MAP2K3: variants seen among roughly 807,000 people sequenced by gnomAD.
MAP2K3 encodes the protein mitogen-activated protein kinase kinase 3.
Under a neutral mutation model 46.4 loss-of-function variants are expected in MAP2K3, and 30 were observed. The ratio of observed to expected loss-of-function variants is 0.65; its 90% CI spans 0.48 to 0.88. The LOEUF (loss-of-function observed/expected upper bound fraction) is 0.88, where lower values mean the gene tolerates loss of function less well. MAP2K3 is among the 40% of genes least tolerant of loss of function. The pLI, the probability that MAP2K3 is intolerant of heterozygous loss-of-function variation, is 0.00. For synonymous variants in MAP2K3, 189 were observed against 176.3 expected, an observed-to-expected ratio of 1.07 and a Z score of -0.57; for missense variants, 380 against 464.5, an observed-to-expected ratio of 0.82 and a Z score of 1.67.
At chr17:21,287,794 A>T (rs532594145) in intron 1 of MAP2K3, among the ~76,000 whole-genome samples, 1 of 152,322 alleles carries the variant, frequency 6.6e-6, no homozygotes, top group South Asian at 2.1e-4. Context: ...CACCTGTGGG[A>T]GCACTTCATG....
intron 9 of MAP2K3, among the ~76,000 whole-genome samples, chr17:21,306,477 C>T (rs1976895764): frequency 6.6e-6 from 1 of 152,288 alleles, no homozygotes; most frequent in African/African-American, 2.4e-5. Flanking sequence ...CTACAGGCTT[C>T]TCAAGCTCAT....
At position 21,302,188 on chromosome 17, in the gene MAP2K3, A is replaced by G; in HGVS notation, c.445A>G (p.Lys149Glu). 3 of 1,614,280 alleles carry G rather than the reference A, an allele frequency of 1.9e-6. No individual in the cohort carries two copies. Among genetic ancestry groups the G allele is most frequent in the Non-Finnish European group, 2.5e-6 (3 of 1,180,032 alleles). The change falls in exon 6 of 12, where the codon AAG becomes GAG. Residue 149 changes from lysine (K) to glutamate (E), a missense_variant. This residue lies in a region of MAP2K3 where 294 missense variants were observed against 275.4 expected (regional missense o/e 1.07). Coordinates refer to ENST00000342679, the MANE Select transcript of MAP2K3 (RefSeq NM_145109.3). ...CMELMDTSLD[K>E]FYRKVLDKNM... ...GGAGCTCATGGACACATCCTTGGAC[A>G]AGTTCTACCGGAAGGTGCTGGATAA...
intron 1 of MAP2K3, 165 bp from the exon 2 acceptor site, chr17:21,298,248 T>TC: frequency 1.0e-6 from 1 of 1,004,876 alleles, no homozygotes; most frequent in Non-Finnish European, 1.6e-6. Flanking sequence ...TGGGCCTCCT[T>TC]CCCCCTTTGA....
intron 1 of MAP2K3, among the ~76,000 whole-genome samples, chr17:21,294,056 C>T (rs1976098986): frequency 6.6e-6 from 1 of 152,312 alleles, no homozygotes; most frequent in African/African-American, 2.4e-5. Flanking sequence ...CAAACACATC[C>T]ATCCACACCG....
Position 21,304,454 on chromosome 17 carries a change from C to T in MAP2K3, c.597C>T (p.Asn199=). The stretch of plus-strand genomic sequence containing the variant: ...TGAAGCCCTCCAATGTCCTTATCAA[C>T]AAGGAGGGCCATGTGAAGATGTGTG... ...RDVKPSNVLI[N]KEGHVKMCDF... The change falls in exon 8 of 12, where the codon AAC becomes AAT. Residue 199 remains asparagine (N), a synonymous_variant. Transcript: ENST00000342679. 1 of 1,614,322 alleles carries T rather than the reference C, an allele frequency of 6.2e-7. No individual in the cohort carries two copies. Among genetic ancestry groups the T allele is most frequent in the Non-Finnish European group, 8.5e-7 (1 of 1,180,060 alleles).
intron 2 of MAP2K3, 143 bp downstream of exon 2, chr17:21,298,622 T>A: frequency 1.5e-6 from 2 of 1,366,334 alleles, no homozygotes; most frequent in Admixed American, 1.7e-5. Context: ...TACAGCCAGG[T>A]GACGGCTGCT....
chr17:21,287,058 C>A (rs917045045), intron 1 of MAP2K3, among the ~76,000 whole-genome samples: 1 of 152,272 alleles, frequency 6.6e-6, no homozygotes, highest in Non-Finnish European at 1.5e-5. Context: ...CTGTGACAGG[C>A]GGAGCTAGGG....
Position 21,285,032 on chromosome 17 carries a change from C to G in MAP2K3, c.49+63C>G, listed in dbSNP as rs185775296. ...GCCTAATCTGGGGCCGGGCTGCAAA[C>G]CCCGACCTTTCTTTGGTCCCACCCC... On this transcript the variant is annotated intron_variant, in intron 1 of 11. Coordinates refer to ENST00000342679, the MANE Select transcript of MAP2K3 (RefSeq NM_145109.3). The G allele has an allele frequency of 4.9e-3, 7,584 of 1,561,240 alleles. 21 individuals are homozygous for G. The highest frequency in any genetic ancestry group is 5.2e-3 in the Non-Finnish European group (6,022 of 1,151,236).
intron 9 of MAP2K3, among the ~76,000 whole-genome samples, chr17:21,309,090 G>A (rs996331631): frequency 1.5e-4 from 23 of 152,418 alleles, no homozygotes; most frequent in African/African-American, 5.3e-4. Context: ...GAAGGCCCAA[G>A]ACGGCCTCAC....
At chr17:21,292,538 T>A (rs1481256616) in intron 1 of MAP2K3, among the ~76,000 whole-genome samples, 1 of 152,430 alleles carries the variant, frequency 6.6e-6, no homozygotes, top group Middle Eastern at 3.4e-3. Context: ...TGTTTTGTTT[T>A]ATTTTTTGTA....
intron 3 of MAP2K3, among the ~76,000 whole-genome samples, chr17:21,299,549 G>C (rs949026280): frequency 1.3e-5 from 2 of 152,308 alleles, no homozygotes; most frequent in African/African-American, 2.4e-5. Context: ...CAGCGTGGTG[G>C]TGCGTGCCTG....
At chr17:21,302,036 A>T in intron 5 of MAP2K3, 107 bp from the exon 6 acceptor site, 2 of 1,011,516 alleles carry the variant, frequency 2.0e-6, no homozygotes, top group African/African-American at 1.7e-5. Flanking sequence ...GGGTGGGCAC[A>T]CGTCGGAGAG....
At position 21,310,009 on chromosome 17, in the gene MAP2K3, G is replaced by T. The variant is rs531647253; in HGVS notation, c.775-2133G>T. On this transcript the variant is annotated intron_variant, in intron 9 of 11. Coordinates refer to ENST00000342679, the MANE Select transcript of MAP2K3 (RefSeq NM_145109.3). ...GTTTTTTTTGTTTTTTGTTTTTTTT[G>T]TTGTTTTTTTTTTTAGATGTAGTTT... 2.9e-3 allele frequency among the ~76,000 whole-genome samples: 425 copies of T among 148,746 alleles called. 3 individuals carry two copies. The highest frequency in any genetic ancestry group is 9.4e-3 in the African/African-American group (382 of 40,456).
chr17:21,290,385 C>T (rs1975854377), intron 1 of MAP2K3, among the ~76,000 whole-genome samples: 1 of 12,804 alleles, frequency 7.8e-5, no homozygotes, highest in South Asian at 2.0e-3. Flanking sequence ...CCATAGCCTC[C>T]TGCCGTTGGC....
chr17:21,302,005 C>A, intron 5 of MAP2K3, 138 bp from the exon 6 acceptor site: 1 of 829,712 alleles, frequency 1.2e-6, no homozygotes, highest in Non-Finnish European at 2.0e-6. Context: ...TGGGTGGGAG[C>A]CCGGTGAACT....
chr17:21,293,611 G>C (rs1976070965), intron 1 of MAP2K3, among the ~76,000 whole-genome samples: 1 of 152,310 alleles, frequency 6.6e-6, no homozygotes, highest in Non-Finnish European at 1.5e-5. Context: ...AGTCCCTGTA[G>C]GGTAGAGAGG....
At chr17:21,300,761 A>G (rs1976550112) in intron 4 of MAP2K3, 103 bp downstream of exon 4, 1 of 1,608,660 alleles carries the variant, frequency 6.2e-7, no homozygotes, top group East Asian at 2.2e-5. Context: ...TACCGAGGCT[A>G]GGCTTTTTGG....
chr17:21,291,695 G>A (rs1052612864), intron 1 of MAP2K3: 5 of 412,614 alleles, frequency 1.2e-5, no homozygotes, highest in Non-Finnish European at 2.4e-5. Flanking sequence ...GACCCCTTTT[G>A]TGCTGGGGAT....
rs1455202170 is a variant in MAP2K3 at position 21,302,137 on chromosome 17, C to T, written c.400-6C>T. 4 of 1,614,242 alleles carry T rather than the reference C, an allele frequency of 2.5e-6. No individual in the cohort carries two copies. Among genetic ancestry groups the T allele is most frequent in the Admixed American group, 1.7e-5 (1 of 60,034 alleles). On this transcript the variant is annotated splice_region_variant and splice_polypyrimidine_tract_variant and intron_variant, in intron 5 of 11. Transcript: ENST00000342679. ...AGCCTGGCTGAGCTCTGGGTGTCAC[C>T]CACAGGGAGACGTGTGGATCTGCAT...
Sources: gnomAD v4.1 joint callset for allele counts (sites outside exome capture counted in the v4.1 genomes callset) on GRCh38, gnomAD v4.1.1 for gene constraint, gnomAD v4.1.1 regional missense constraint, MANE v1.5 for transcripts, NCBI Gene and HGNC (gene_info 2026-07-23, HGNC 2026-07-21) for gene names.